The following DLG4 variants were observed in gnomAD, a reference collection of about 807,000 sequenced individuals.
The protein encoded by DLG4 is disks large homolog 4.
A neutral mutation model predicts 93.8 loss-of-function variants in DLG4; 7 were observed. The observed-to-expected ratio is 0.07, with a 90% CI of 0.04 to 0.14. The LOEUF is 0.14. Ranked by LOEUF, DLG4 falls within the 10% of genes least tolerant of loss-of-function variation. DLG4 has a pLI of 1.00. For synonymous variants in DLG4, 341 were observed against 387.6 expected (o/e 0.88, Z 1.41); for missense variants, 545 against 992.9 (o/e 0.55, Z 6.06).
rs1409582698 is a variant in DLG4, at chr17:7,217,548, C to G, written c.-401G>C. 1 of 183,452 alleles carries G rather than the reference C, an allele frequency of 5.5e-6. No homozygotes were observed. Among genetic ancestry groups the G allele is most frequent in the Non-Finnish European group, 6.2e-6 (1 of 161,266 alleles). The allele number at this position is 183,452 out of a possible 1,614,324, so 11.4% of individuals were successfully genotyped here. On this transcript the variant is annotated 5_prime_UTR_variant, in exon 1 of 20. Coordinates refer to ENST00000399506, the MANE Select transcript of DLG4 (RefSeq NM_001321075.3). ...AACGGCCAGGGGCTAGGGGCCGTGG[C>G]GGGGGAGTGGGGTGGGGGGGTTGGA...
chr17:7,210,208 G>A (rs1191909662), intron 1 of DLG4, among the ~76,000 whole-genome samples: 1 of 152,180 alleles, frequency 6.6e-6, no homozygotes, highest in Non-Finnish European at 1.5e-5. Flanking sequence ...TAAAGATGAT[G>A]AATCAAGGCT....
intron 1 of DLG4, among the ~76,000 whole-genome samples, chr17:7,209,783 G>A (rs985259969): frequency 1.3e-5 from 2 of 152,056 alleles, no homozygotes; most frequent in Non-Finnish European, 2.9e-5. Context: ...AAGAGAGAGA[G>A]GCCAGGAGCA....
In DLG4 at chr17:7,195,538, G is replaced by A. The variant is rs1009249202; in HGVS notation, c.1301+682C>T. Among the ~76,000 whole-genome samples the A allele has an allele frequency of 9.8e-5, 15 of 152,306 alleles. 1 individual carries two copies. The highest frequency in any genetic ancestry group is 6.8e-3 in the Middle Eastern group (2 of 294). ...GCGTGGGACATGTTGAGTGTGGGACGCCTGTGGGACATCCCAGTGGAGATG... is the reference window on the plus strand; with the variant it reads ...GCGTGGGACATGTTGAGTGTGGGACACCTGTGGGACATCCCAGTGGAGATG... On this transcript the variant is annotated intron_variant, in intron 11 of 19. Transcript: ENST00000399506. The surrounding 1 kb of genome is among the most constrained non-coding windows in gnomAD (Gnocchi z 4.3).
intron 17 of DLG4, chr17:7,192,328 C>G: frequency 3.0e-6 from 1 of 332,120 alleles, no homozygotes; most frequent in Non-Finnish European, 5.5e-6. Flanking sequence ...GCGGGGTGTG[C>G]AAGGCAGAGG....
At chr17:7,198,806 C>A (rs1189864590) in intron 8 of DLG4, among the ~76,000 whole-genome samples, 1 of 150,330 alleles carries the variant, frequency 6.7e-6, no homozygotes. Flanking sequence ...CAAGATCGTG[C>A]CACTGCACTC....
chr17:7,216,612 C>T (rs1457630296), intron 1 of DLG4, among the ~76,000 whole-genome samples: 1 of 152,174 alleles, frequency 6.6e-6, no homozygotes, highest in Admixed American at 6.5e-5. Flanking sequence ...GTTCTAGAGT[C>T]TGAAGGCCCA....
At chr17:7,198,651 C>A (rs532855929) in intron 8 of DLG4, among the ~76,000 whole-genome samples, 1 of 151,542 alleles carries the variant, frequency 6.6e-6, no homozygotes, top group African/African-American at 2.4e-5. Context: ...AGTTCAAAAC[C>A]AGCCTGGCCA....
chr17:7,193,031 G>C lies in DLG4; in HGVS notation c.1780C>G (p.Gln594Glu). 1.2e-6 allele frequency: 2 copies of C among 1,613,776 alleles called. No individual in the cohort carries two copies. Among genetic ancestry groups the C allele is most frequent in the South Asian group, 1.1e-5 (1 of 91,078 alleles). Reference protein sequence around the residue: ...SSREKMEKDIQAHKFIEAGQY... With the variant: ...SSREKMEKDIEAHKFIEAGQY... ...CCGGCCTCAATGAACTTGTGCGCCTGAATGTCCTTCTCCATTTTCTCCCGG... is the reference window on the plus strand; with the variant it reads ...CCGGCCTCAATGAACTTGTGCGCCTCAATGTCCTTCTCCATTTTCTCCCGG... The change falls in exon 17 of 20, where the codon CAG becomes GAG. Residue 594 changes from glutamine (Q) to glutamate (E), a missense_variant. Around this residue, in one of 5 missense-constraint regions of DLG4, gnomAD observed 428 missense variants for 741.4 expected, o/e 0.58. Coordinates refer to ENST00000399506, the MANE Select transcript of DLG4 (RefSeq NM_001321075.3). The surrounding 1 kb of genome is among the most constrained non-coding windows in gnomAD (Gnocchi z 6.7).
chr17:7,191,233 C>G lies in DLG4; in HGVS notation c.2068+34G>C. ...TCTTTCTAATCCGAGCAAGGGCACC[C>G]TACATGCTGGCAACAGCCTTGCTGT... On this transcript the variant is annotated intron_variant, in intron 19 of 19. Transcript: ENST00000399506. This position sits in a 1 kb window ranked among gnomAD's most constrained non-coding sequence, Gnocchi z 6.6. 1 of 1,607,040 alleles carries G rather than the reference C, an allele frequency of 6.2e-7. No individual in the cohort carries two copies. Among genetic ancestry groups the G allele is most frequent in the Non-Finnish European group, 8.5e-7 (1 of 1,173,920 alleles).
rs1362167358 is a variant in DLG4 at position 7,190,514 on chromosome 17, G to A, written c.*194C>T. On this transcript the variant is annotated 3_prime_UTR_variant, in exon 20 of 20. Transcript: ENST00000399506. ...CAGACCCCAGGTTCCTGGCGTTCAG[G>A]AGCCCAGTTCTGGGGTGCGGGGATA... The A allele has an allele frequency of 6.9e-6, 4 of 579,564 alleles. No homozygotes were observed. Among genetic ancestry groups the A allele is most frequent in the East Asian group, 5.7e-5 (2 of 34,974 alleles). The allele number at this position is 579,564 out of a possible 1,614,324, so 35.9% of individuals were successfully genotyped here.
rs768799555 is a variant in DLG4, at chr17:7,203,826, G to C, written c.211-10C>G. On this transcript the variant is annotated splice_polypyrimidine_tract_variant and intron_variant, in intron 4 of 19. Coordinates refer to ENST00000399506, the MANE Select transcript of DLG4 (RefSeq NM_001321075.3). The surrounding 1 kb of genome is among the most constrained non-coding windows in gnomAD (Gnocchi z 7.2). ...CCAGACCTGAGTTACCCTGGGTGAA[G>C]GAGGGGAAGAGGGTCAGCTCCCCTC... 2 of 1,613,468 alleles carry C rather than the reference G, an allele frequency of 1.2e-6. No individual in the cohort carries two copies. The highest frequency in any genetic ancestry group is 1.7e-5 in the Admixed American group (1 of 59,962).
intron 1 of DLG4, among the ~76,000 whole-genome samples, chr17:7,209,273 G>C (rs1388885021): frequency 6.6e-6 from 1 of 152,208 alleles, no homozygotes; most frequent in African/African-American, 2.4e-5. Flanking sequence ...CTGGGGGCCA[G>C]AGAAGGAGGA....
rs534470490 is a variant in DLG4 at position 7,195,294 on chromosome 17, C to T, written c.1302-799G>A. ...GACCCCGGGCCCCCTGGAAGTGTGA[C>T]AACCAGATGACATTCCGCCTGGGAG... On this transcript the variant is annotated intron_variant, in intron 11 of 19. Transcript: ENST00000399506. This position sits in a 1 kb window ranked among gnomAD's most constrained non-coding sequence, Gnocchi z 4.3. Among the ~76,000 whole-genome samples the T allele has an allele frequency of 1.3e-5, 2 of 152,244 alleles. No homozygotes were observed. The highest frequency in any genetic ancestry group is 4.8e-5 in the African/African-American group (2 of 41,550).
upstream of DLG4, chr17:7,219,891 C>T (rs775362595): frequency 6.7e-6 from 10 of 1,501,400 alleles, no homozygotes; most frequent in South Asian, 9.8e-5. Context: ...GCACTGTGGA[C>T]GATGAGTCAG....
intron 1 of DLG4, among the ~76,000 whole-genome samples, chr17:7,213,167 G>C (rs2070777711): frequency 7.4e-6 from 1 of 134,646 alleles, no homozygotes; most frequent in Non-Finnish European, 1.5e-5. Flanking sequence ...GCGCGATCTC[G>C]GCTTACTGCA....
chr17:7,191,033 G>A lies in DLG4; in HGVS notation c.2069-219C>T, dbSNP rs938276170. Among the ~76,000 whole-genome samples, 2 of 147,006 alleles carry A rather than the reference G, an allele frequency of 1.4e-5. No homozygotes were observed. The highest frequency in any genetic ancestry group is 1.5e-5 in the Non-Finnish European group (1 of 67,248). ...GCGCCAGGCTGGAGTGCAGTGGTGCGATCTCGGCTCACTGCAACCTCTGCC... is the reference window on the plus strand; with the variant it reads ...GCGCCAGGCTGGAGTGCAGTGGTGCAATCTCGGCTCACTGCAACCTCTGCC... On this transcript the variant is annotated intron_variant, in intron 19 of 19. Transcript: ENST00000399506. The surrounding 1 kb of genome is among the most constrained non-coding windows in gnomAD (Gnocchi z 6.6).
chr17:7,193,339 C>A lies in DLG4; in HGVS notation c.1693+144G>T. On this transcript the variant is annotated intron_variant, in intron 16 of 19. Coordinates refer to ENST00000399506, the MANE Select transcript of DLG4 (RefSeq NM_001321075.3). The surrounding 1 kb of genome is among the most constrained non-coding windows in gnomAD (Gnocchi z 6.7). The stretch of plus-strand genomic sequence containing the variant: ...TGGGTACTATGGAATGAGAGGGTGG[C>A]TGAGAAGCACCCCTTCTCGGAGAAA... 1 of 1,018,316 alleles carries A rather than the reference C, an allele frequency of 9.8e-7. No individual in the cohort carries two copies. 63.1% of individuals were successfully genotyped at this position (1,018,316 alleles called of 1,614,324 possible).
chr17:7,191,766 T>TC lies in DLG4; in HGVS notation c.1976+126dup, dbSNP rs2069511557. 1.5e-6 allele frequency: 1 copy of TC among 657,792 alleles called. No individual in the cohort carries two copies. 40.7% of individuals were successfully genotyped at this position (657,792 alleles called of 1,614,324 possible). A position where few individuals can be genotyped will look rare whatever the true frequency, so the allele number is the denominator to read the frequency against. ...CCCCACATCCTCTGGGTTCCAGGGA[T>TC]CCCCCTCAGGGGCTGCTGAAACCGC... On this transcript the variant is annotated intron_variant, in intron 18 of 19. Coordinates refer to ENST00000399506, the MANE Select transcript of DLG4 (RefSeq NM_001321075.3). This position sits in a 1 kb window ranked among gnomAD's most constrained non-coding sequence, Gnocchi z 6.6.
At chr17:7,192,052 G>T in intron 17 of DLG4, 50 bp from the exon 18 acceptor site, 1 of 1,127,466 alleles carries the variant, frequency 8.9e-7, no homozygotes. Context: ...GGCGAGAAAG[G>T]ACAGAGAGCA....
Sources: gnomAD v4.1 joint callset for allele counts (sites outside exome capture counted in the v4.1 genomes callset) on GRCh38, gnomAD v4.1.1 for gene constraint, gnomAD v4.1.1 regional missense constraint, Gnocchi (gnomAD v3.1) non-coding constraint, MANE v1.5 for transcripts, NCBI Gene and HGNC (gene_info 2026-07-23, HGNC 2026-07-21) for gene names.